The following SPATS2 variants were observed in gnomAD, a reference collection of about 807,000 sequenced individuals.
SPATS2 encodes the protein spermatogenesis associated serine rich 2.
A neutral mutation model predicts 63.7 loss-of-function variants in SPATS2; 38 were observed. The observed-to-expected ratio is 0.60, with a 90% CI of 0.46 to 0.78. SPATS2 has a LOEUF of 0.78. Among genes scored for constraint, SPATS2 ranks in the 30% least tolerant of loss-of-function variants. The pLI is 0.00. For synonymous variants in SPATS2, 207 were observed against 232.9 expected, an observed-to-expected ratio of 0.89 and a Z score of 1.01; for missense variants, 588 against 666.2, an observed-to-expected ratio of 0.88 and a Z score of 1.29.
chr12:49,403,605 A>G (rs1295879133), intron 2 of SPATS2, among the ~76,000 whole-genome samples: 2 of 130,682 alleles, frequency 1.5e-5, no homozygotes, highest in Non-Finnish European at 3.2e-5. Context: ...ACACACACAC[A>G]CACACACACA....
chr12:49,484,676 C>T lies in SPATS2; in HGVS notation c.105+7C>T. On this transcript the variant is annotated splice_region_variant and intron_variant, in intron 4 of 13. Transcript: ENST00000552918. The stretch of plus-strand genomic sequence containing the variant: ...TGAGAACATGAAAGAGAAGGTAAGA[C>T]TAGTCACTATGGATAGTAAACTTAA... 2 of 1,613,438 alleles carry T rather than the reference C, an allele frequency of 1.2e-6. No individual in the cohort carries two copies. Among genetic ancestry groups the T allele is most frequent in the Non-Finnish European group, 1.7e-6 (2 of 1,179,492 alleles).
chr12:49,374,612 T>C (rs1178255924), intron 2 of SPATS2, among the ~76,000 whole-genome samples: 7 of 152,176 alleles, frequency 4.6e-5, no homozygotes, highest in Non-Finnish European at 8.8e-5. Flanking sequence ...AGGATATAGA[T>C]GTTACTTAAA....
At chr12:49,390,163 T>TA (rs1256556377) in intron 2 of SPATS2, 18 of 1,521,798 alleles carry the variant, frequency 1.2e-5, no homozygotes, top group Non-Finnish European at 1.6e-5. Context: ...GAGGAAGAGC[T>TA]GAAGAGCTTC....
chr12:49,513,702 AC>A (rs1449436742), intron 9 of SPATS2, among the ~76,000 whole-genome samples: 1 of 152,212 alleles, frequency 6.6e-6, no homozygotes, highest in Non-Finnish European at 1.5e-5. Context: ...CATTCTAAGT[AC>A]TAAAATGTAA....
chr12:49,518,992 C>A, intron 10 of SPATS2, 81 bp from the exon 11 acceptor site: 2 of 1,122,530 alleles, frequency 1.8e-6, no homozygotes, highest in Non-Finnish European at 2.5e-6. Flanking sequence ...GACCAAATAC[C>A]TACTGCAAGG....
intron 2 of SPATS2, among the ~76,000 whole-genome samples, chr12:49,454,030 C>A (rs1215659630): frequency 6.6e-6 from 1 of 151,700 alleles, no homozygotes; most frequent in Non-Finnish European, 1.5e-5. Context: ...GCCCAACTAA[C>A]TTTTTTGTAT....
intron 2 of SPATS2, among the ~76,000 whole-genome samples, chr12:49,438,532 A>G (rs1945357915): frequency 6.6e-6 from 1 of 152,160 alleles, no homozygotes; most frequent in Non-Finnish European, 1.5e-5. Context: ...TTATTTTTCC[A>G]TTCTACGTTC....
At chr12:49,424,052 A>T (rs1279015271) in intron 2 of SPATS2, among the ~76,000 whole-genome samples, 1 of 152,092 alleles carries the variant, frequency 6.6e-6, no homozygotes, top group Non-Finnish European at 1.5e-5. Flanking sequence ...AAAATACAAA[A>T]ATTAGCCAGG....
chr12:49,411,269 C>T (rs183136379), intron 2 of SPATS2, among the ~76,000 whole-genome samples: 58 of 152,224 alleles, frequency 3.8e-4, no homozygotes, highest in Admixed American at 1.6e-3. Flanking sequence ...TTGGTCATCT[C>T]AGGACACATC....
At chr12:49,393,202 T>C (rs977527910) in intron 2 of SPATS2, among the ~76,000 whole-genome samples, 6 of 151,964 alleles carry the variant, frequency 3.9e-5, no homozygotes, top group African/African-American at 9.7e-5. Context: ...TGTAGACTCA[T>C]CTAGCTTCAG....
chr12:49,415,630 A>G (rs916814703), intron 2 of SPATS2, among the ~76,000 whole-genome samples: 7 of 152,166 alleles, frequency 4.6e-5, no homozygotes, highest in Non-Finnish European at 7.3e-5. Context: ...CAGCTTTGCT[A>G]AAGTTTTTCT....
intron 3 of SPATS2, among the ~76,000 whole-genome samples, chr12:49,468,348 C>T (rs1435830390): frequency 2.6e-5 from 4 of 151,776 alleles, no homozygotes; most frequent in South Asian, 2.1e-4. Context: ...TTAGTAGAGA[C>T]GGGGTTTCAC....
intron 6 of SPATS2, among the ~76,000 whole-genome samples, chr12:49,492,915 G>T (rs950936377): frequency 1.3e-5 from 2 of 151,938 alleles, no homozygotes; most frequent in African/African-American, 4.8e-5. Flanking sequence ...GGCCAACATG[G>T]TGAAACCCTA....
intron 2 of SPATS2, among the ~76,000 whole-genome samples, chr12:49,443,868 A>C (rs930483768): frequency 6.6e-6 from 1 of 152,170 alleles, no homozygotes; most frequent in African/African-American, 2.4e-5. Flanking sequence ...TGACAGTACC[A>C]CACTGTCTTC....
intron 2 of SPATS2, chr12:49,454,454 CACTT>C (rs915229735): frequency 1.3e-5 from 2 of 152,210 alleles, no homozygotes; most frequent in African/African-American, 4.8e-5. Flanking sequence ...GAACAAAACT[CACTT>C]AAAGTCTTTC....
At chr12:49,383,448 C>T (rs1400258411) in intron 2 of SPATS2, among the ~76,000 whole-genome samples, 1 of 151,722 alleles carries the variant, frequency 6.6e-6, no homozygotes, top group Non-Finnish European at 1.5e-5. Flanking sequence ...TTTTGCTCTG[C>T]CACCCTGGCT....
rs370252110 is a variant in SPATS2 at position 49,519,043 on chromosome 12, A to G, written c.899-30A>G. 1.4e-5 allele frequency: 22 copies of G among 1,571,408 alleles called. No homozygotes were observed. The African/African-American group carries it at 1.5e-4, about 11-fold the overall frequency. The stretch of plus-strand genomic sequence containing the variant: ...CTTCTTTATCCTATTTAGCAGCAAC[A>G]TAAGGTTCACACTCACTTTTCCTCT... On this transcript the variant is annotated intron_variant, in intron 10 of 13. Coordinates refer to ENST00000552918, the MANE Select transcript of SPATS2 (RefSeq NM_023071.4).
intron 2 of SPATS2, among the ~76,000 whole-genome samples, chr12:49,460,212 T>C (rs1945797774): frequency 6.6e-6 from 1 of 152,120 alleles, no homozygotes; most frequent in African/African-American, 2.4e-5. Flanking sequence ...TCCCAGCACT[T>C]TGGGAGGCCA....
At chr12:49,523,679 C>T (rs992018071) in intron 12 of SPATS2, among the ~76,000 whole-genome samples, 41 of 151,946 alleles carry the variant, frequency 2.7e-4, no homozygotes, top group Middle Eastern at 3.2e-3. Context: ...TTGCCAGGCG[C>T]GGTGGCTCAT....
Sources: gnomAD v4.1 joint callset for allele counts (sites outside exome capture counted in the v4.1 genomes callset) on GRCh38, gnomAD v4.1.1 for gene constraint, MANE v1.5 for transcripts, NCBI Gene and HGNC (gene_info 2026-07-23, HGNC 2026-07-21) for gene names.